Variants in TAFA4 observed in about 807,000 individuals in gnomAD.
TAFA4 encodes chemokine-like protein TAFA-4.
A neutral mutation model predicts 21.1 loss-of-function variants in TAFA4; 20 were observed. The ratio of observed to expected loss-of-function variants is 0.95; its 90% CI spans 0.67 to 1.38. The LOEUF is 1.38. Ranked by LOEUF, TAFA4 falls within the 40% of genes most tolerant of loss-of-function variation. TAFA4 has a pLI of 0.00. For synonymous variants in TAFA4, 71 were observed against 67.4 expected (o/e 1.05, Z -0.26); for missense variants, 211 against 180.9 (o/e 1.17, Z -0.95).
At position 68,744,162 on chromosome 3, in the gene TAFA4, A is replaced by T. The variant is rs113843750; in HGVS notation, c.287-4963T>A. On this transcript the variant is annotated intron_variant, in intron 4 of 5. Transcript: ENST00000295569. ...GAGAACCCGTGTACTTTGGAAAGGT[A>T]TCAGAGTTTCATGAAAGATTCAAAA... Among the ~76,000 whole-genome samples the T allele has an allele frequency of 3.4e-3, 512 of 152,342 alleles. 6 individuals are homozygous for T. The highest frequency in any genetic ancestry group is 0.011 in the African/African-American group (463 of 41,578).
At chr3:68,826,640 G>A (rs923279226) in intron 3 of TAFA4, among the ~76,000 whole-genome samples, 5 of 151,796 alleles carry the variant, frequency 3.3e-5, no homozygotes, top group African/African-American at 1.2e-4. Flanking sequence ...ATATAAGTGA[G>A]CATGCATAAA....
intron 2 of TAFA4, among the ~76,000 whole-genome samples, chr3:68,882,429 G>A (rs1330268166): frequency 6.6e-6 from 1 of 152,096 alleles, no homozygotes; most frequent in African/African-American, 2.4e-5. Flanking sequence ...GCATCCCCGG[G>A]CTCACATTTC....
intron 3 of TAFA4, among the ~76,000 whole-genome samples, chr3:68,880,458 T>G (rs760819563): frequency 2.6e-5 from 4 of 152,154 alleles, no homozygotes; most frequent in Non-Finnish European, 4.4e-5. Context: ...CACAAATTGC[T>G]GATGGTTTTC....
rs75247333 is a variant in TAFA4 at position 68,794,899 on chromosome 3, A to G, written c.131-41881T>C. Among the ~76,000 whole-genome samples the G allele has an allele frequency of 7.2e-5, 11 of 152,140 alleles. No homozygotes were observed. In the East Asian group the frequency reaches 1.5e-3, roughly 21 times the overall value. On this transcript the variant is annotated intron_variant, in intron 3 of 5. Transcript: ENST00000295569. ...AAAGACAAACAGAAAAAAAAAATACAGCTGTTGCAGAACCAAGAGTAGATA... is the reference window on the plus strand; with the variant it reads ...AAAGACAAACAGAAAAAAAAAATACGGCTGTTGCAGAACCAAGAGTAGATA...
At chr3:68,820,168 T>A (rs1469561038) in intron 3 of TAFA4, among the ~76,000 whole-genome samples, 2 of 152,158 alleles carry the variant, frequency 1.3e-5, no homozygotes, top group East Asian at 3.9e-4. Context: ...TTATGTTAAG[T>A]GAAGTAAGTC....
chr3:68,867,899 A>T (rs1025419096), intron 3 of TAFA4, among the ~76,000 whole-genome samples: 7 of 152,094 alleles, frequency 4.6e-5, no homozygotes, highest in African/African-American at 1.7e-4. Flanking sequence ...AAAAAATCAC[A>T]TAGCCACAGA....
At chr3:68,771,013 G>A (rs545895886) in intron 3 of TAFA4, among the ~76,000 whole-genome samples, 4 of 152,166 alleles carry the variant, frequency 2.6e-5, no homozygotes, top group South Asian at 2.1e-4. Context: ...ACAGCAGAAC[G>A]ACTCGGACAC....
intron 1 of TAFA4, among the ~76,000 whole-genome samples, chr3:68,921,826 A>C (rs1277241994): frequency 6.6e-6 from 1 of 152,232 alleles, no homozygotes; most frequent in Non-Finnish European, 1.5e-5. Context: ...CAGATGACGG[A>C]AGTTGGCAAT....
chr3:68,841,438 T>C (rs1471043970), intron 3 of TAFA4, among the ~76,000 whole-genome samples: 1 of 152,224 alleles, frequency 6.6e-6, no homozygotes, highest in Non-Finnish European at 1.5e-5. Context: ...CCTTCTTTCC[T>C]GACAGGACAA....
At chr3:68,737,701 C>T (rs1702269783) in intron 5 of TAFA4, among the ~76,000 whole-genome samples, 1 of 152,086 alleles carries the variant, frequency 6.6e-6, no homozygotes, top group Non-Finnish European at 1.5e-5. Flanking sequence ...CAAGTTCACA[C>T]TTAGAAGGAG....
chr3:68,899,608 A>G (rs1395286851), intron 1 of TAFA4, among the ~76,000 whole-genome samples: 2 of 152,180 alleles, frequency 1.3e-5, no homozygotes, highest in African/African-American at 4.8e-5. Context: ...CACAGTTTCA[A>G]ACGCAAATTC....
intron 3 of TAFA4, among the ~76,000 whole-genome samples, chr3:68,805,432 G>A (rs756652982): frequency 6.6e-6 from 1 of 152,166 alleles, no homozygotes; most frequent in South Asian, 2.1e-4. Context: ...AATACCATTT[G>A]ACCCAGCCAT....
At chr3:68,769,951 C>G (rs139164655) in intron 3 of TAFA4, among the ~76,000 whole-genome samples, 12 of 152,198 alleles carry the variant, frequency 7.9e-5, no homozygotes, top group African/African-American at 2.9e-4. Context: ...TACACTAACA[C>G]AGAAAACAAC....
intron 3 of TAFA4, among the ~76,000 whole-genome samples, chr3:68,853,743 A>C (rs1370336419): frequency 1.3e-5 from 2 of 152,200 alleles, no homozygotes; most frequent in African/African-American, 2.4e-5. Flanking sequence ...AGGGCAGGTA[A>C]GAAGGCCCCA....
rs1033051009 is a variant in TAFA4 at position 68,875,958 on chromosome 3, A to T, written c.130+4772T>A. On this transcript the variant is annotated intron_variant, in intron 3 of 5. Coordinates refer to ENST00000295569, the MANE Select transcript of TAFA4 (RefSeq NM_182522.5). ...AGAGAGAACTAAATAACTAAATAAA[A>T]CATAAAAGAAATTAAGTGAAATAAA... 3.3e-5 allele frequency among the ~76,000 whole-genome samples: 5 copies of T among 152,310 alleles called. No homozygotes were observed. The East Asian group carries it at 7.7e-4, about 23-fold the overall frequency.
chr3:68,900,283 C>CAATAATAATAAT (rs60973878), intron 1 of TAFA4, among the ~76,000 whole-genome samples: 2 of 120,686 alleles, frequency 1.7e-5, no homozygotes, highest in African/African-American at 6.2e-5. Flanking sequence ...ATAATAATAA[C>CAATAATAATAAT]AATAATAATA....
intron 4 of TAFA4, among the ~76,000 whole-genome samples, chr3:68,744,520 G>A (rs760799866): frequency 2.4e-4 from 36 of 152,142 alleles, no homozygotes; most frequent in African/African-American, 7.5e-4. Flanking sequence ...AGAAATTGCG[G>A]AATAAATTCC....
intron 3 of TAFA4, among the ~76,000 whole-genome samples, chr3:68,811,044 T>C (rs1393904490): frequency 1.3e-5 from 2 of 152,206 alleles, no homozygotes; most frequent in Non-Finnish European, 2.9e-5. Context: ...CCTCCGCTGC[T>C]GATACCCAGG....
At chr3:68,797,379 T>C (rs13072126) in intron 3 of TAFA4, among the ~76,000 whole-genome samples, 68,915 of 151,530 alleles carry the variant, frequency 0.45, 15,943 homozygotes, top group African/African-American at 0.48. Context: ...TTTGGGAGGC[T>C]GAGGTGGGTG....
Sources: gnomAD v4.1 joint callset for allele counts (sites outside exome capture counted in the v4.1 genomes callset) on GRCh38, gnomAD v4.1.1 for gene constraint, MANE v1.5 for transcripts, NCBI Gene and HGNC (gene_info 2026-07-23, HGNC 2026-07-21) for gene names.